Variants in CSPP1 observed in about 807,000 individuals in gnomAD.
CSPP1 encodes centrosome and spindle pole-associated protein 1.
In CSPP1, 126 loss-of-function variants were observed where a neutral mutation model predicts 164.4. The observed-to-expected ratio is 0.77, with a 90% confidence interval of 0.66 to 0.89. The LOEUF (loss-of-function observed/expected upper bound fraction) is 0.89. CSPP1 is among the 40% of genes least tolerant of loss of function. The probability of loss-of-function intolerance (pLI) is 0.00; values close to 1 mark genes in which losing one functional copy is unlikely to be tolerated. For synonymous variants in CSPP1, 472 were observed against 476.7 expected, an observed-to-expected ratio of 0.99 and a Z score of 0.13; for missense variants, 1,395 against 1,449.8, an observed-to-expected ratio of 0.96 and a Z score of 0.61.
chr8:67,106,123 A>G, intron 9 of CSPP1, 148 bp downstream of exon 9: 1 of 548,334 alleles, frequency 1.8e-6, no homozygotes, highest in Middle Eastern at 4.2e-4. Flanking sequence ...TACTATTCTA[A>G]TCATTTAACA....
chr8:67,104,432 T>G (rs1814911801), intron 8 of CSPP1, among the ~76,000 whole-genome samples: 1 of 151,858 alleles, frequency 6.6e-6, no homozygotes, highest in Non-Finnish European at 1.5e-5. Flanking sequence ...CCTGGCTAGT[T>G]TTTTAAAAAA....
At chr8:67,091,968 A>G in intron 5 of CSPP1, 85 bp downstream of exon 5, 1 of 356,972 alleles carries the variant, frequency 2.8e-6, no homozygotes, top group Non-Finnish European at 5.2e-6. Flanking sequence ...TTTAAATGCA[A>G]ATGGAAGATC....
At chr8:67,084,751 A>G (rs1810035427) in intron 3 of CSPP1, among the ~76,000 whole-genome samples, 1 of 151,972 alleles carries the variant, frequency 6.6e-6, no homozygotes, top group Admixed American at 6.6e-5. Flanking sequence ...GAGAGAGAAA[A>G]AAAAAAAAGC....
chr8:67,186,763 T>C (rs1834718640), intron 28 of CSPP1, among the ~76,000 whole-genome samples: 1 of 152,206 alleles, frequency 6.6e-6, no homozygotes, highest in African/African-American at 2.4e-5. Flanking sequence ...TGATTGTCTA[T>C]AGAAAATCTG....
chr8:67,148,809 T>C lies in CSPP1; in HGVS notation c.1976-974T>C, dbSNP rs568441482. On this transcript the variant is annotated intron_variant, in intron 17 of 30. Transcript: ENST00000678616. ...TTTATTAAAGCTTTAAGTTCTGTAATCATTCAGTTCTGTTTTTGAGATTGG... is the reference window on the plus strand; with the variant it reads ...TTTATTAAAGCTTTAAGTTCTGTAACCATTCAGTTCTGTTTTTGAGATTGG... Among the ~76,000 whole-genome samples the C allele has an allele frequency of 3.3e-5, 5 of 152,350 alleles. 1 individual carries two copies. The highest frequency in any genetic ancestry group is 4.1e-4 in the South Asian group (2 of 4,830).
At chr8:67,169,967 C>T (rs918554363) in intron 24 of CSPP1, among the ~76,000 whole-genome samples, 1 of 151,826 alleles carries the variant, frequency 6.6e-6, no homozygotes, top group Non-Finnish European at 1.5e-5. Context: ...AGGCTGGTCT[C>T]GAACTCCTGA....
intron 26 of CSPP1, 31 bp downstream of exon 26, chr8:67,175,467 T>C (rs555730971): frequency 1.9e-6 from 3 of 1,612,674 alleles, no homozygotes; most frequent in East Asian, 2.2e-5. Context: ...TGTCAAATAG[T>C]ATCAGCACGC....
At chr8:67,067,817 C>T (rs1165257167) in intron 1 of CSPP1, among the ~76,000 whole-genome samples, 1 of 151,526 alleles carries the variant, frequency 6.6e-6, no homozygotes, top group East Asian at 1.9e-4. Flanking sequence ...TGTAAAGATA[C>T]AACCATAAAC....
At position 67,149,874 on chromosome 8, in the gene CSPP1, A is replaced by G; in HGVS notation, c.2067A>G (p.Leu689=). Residue 689 remains leucine (L), a synonymous_variant, in exon 18 of 31, where the codon CTA becomes CTG. Transcript: ENST00000678616. ...TYEDKRAVVS[L]DPNLATSNAE... Reference sequence around the variant, plus strand: ...AAGATAAAAGGGCTGTTGTATCTCTAGACCCAAATTTAGCCACTTCAAATG... The same window carrying G: ...AAGATAAAAGGGCTGTTGTATCTCTGGACCCAAATTTAGCCACTTCAAATG... 1 of 1,607,552 alleles carries G rather than the reference A, an allele frequency of 6.2e-7. No individual in the cohort carries two copies.
chr8:67,126,271 C>T (rs747139726), intron 15 of CSPP1, among the ~76,000 whole-genome samples: 4 of 152,130 alleles, frequency 2.6e-5, no homozygotes, highest in South Asian at 4.1e-4. Context: ...GTATGTATGG[C>T]TTATAATTCT....
intron 24 of CSPP1, among the ~76,000 whole-genome samples, chr8:67,171,354 T>A (rs777265910): frequency 1.1e-4 from 16 of 150,686 alleles, no homozygotes; most frequent in Admixed American, 8.5e-4. Flanking sequence ...TGAGCTGAGA[T>A]CACGCCACTG....
chr8:67,125,670 C>T (rs965682265), intron 15 of CSPP1, among the ~76,000 whole-genome samples: 5 of 152,074 alleles, frequency 3.3e-5, no homozygotes, highest in Non-Finnish European at 5.9e-5. Flanking sequence ...CTCAATTGAC[C>T]TGTCTTCAAG....
intron 9 of CSPP1, among the ~76,000 whole-genome samples, chr8:67,109,789 G>T (rs1446384655): frequency 6.6e-6 from 1 of 152,006 alleles, no homozygotes; most frequent in Non-Finnish European, 1.5e-5. Flanking sequence ...ATAAGTGAAA[G>T]AAAAAAAGCT....
Position 67,103,118 on chromosome 8 carries a change from A to G in CSPP1, c.1005A>G (p.Ser335=). ...TAGAACAGTCAAACATAAGAATTTC[A>G]TCTGCTGAAAATAAAAGGTACAGTA... is the stretch of plus-strand genomic sequence containing the variant. The part of the protein sequence containing the change: ...DVIEQSNIRI[S]SAENKSAPDN... The change falls in exon 8 of 31, where the codon TCA becomes TCG. Residue 335 remains serine (S), a synonymous_variant. Transcript: ENST00000678616. 1.3e-6 allele frequency: 2 copies of G among 1,591,350 alleles called. No homozygotes were observed. Among genetic ancestry groups the G allele is most frequent in the Non-Finnish European group, 1.7e-6 (2 of 1,159,574 alleles).
At chr8:67,123,662 T>C (rs1819452935) in intron 15 of CSPP1, among the ~76,000 whole-genome samples, 1 of 151,098 alleles carries the variant, frequency 6.6e-6, no homozygotes, top group South Asian at 2.1e-4. Context: ...CAAGCTGGAG[T>C]GCAGTGGTGT....
chr8:67,159,898 T>TTC (rs1827602982), intron 21 of CSPP1, among the ~76,000 whole-genome samples: 1 of 69,424 alleles, frequency 1.4e-5, no homozygotes, highest in Non-Finnish European at 2.7e-5. Context: ...CTTTCTTTCT[T>TTC]TCTTTCTTTC....
At chr8:67,092,139 G>A (rs1350163558) in intron 5 of CSPP1, among the ~76,000 whole-genome samples, 1 of 152,032 alleles carries the variant, frequency 6.6e-6, no homozygotes, top group Non-Finnish European at 1.5e-5. Context: ...ATACTTAACT[G>A]AATATTCAGA....
chr8:67,118,440 C>G (rs188651223), intron 14 of CSPP1, 71 bp downstream of exon 14: 1 of 1,455,366 alleles, frequency 6.9e-7, no homozygotes, highest in Non-Finnish European at 9.6e-7. Context: ...TTTGTGTAAA[C>G]AAAAAATATC....
intron 3 of CSPP1, among the ~76,000 whole-genome samples, chr8:67,077,486 C>G (rs150588836): frequency 0.048 from 7,310 of 152,202 alleles, 265 homozygotes; most frequent in African/African-American, 0.096. Flanking sequence ...CAGGCGCATG[C>G]CACCACACTC....
Sources: allele counts gnomAD v4.1 joint callset (sites outside exome capture counted in the v4.1 genomes callset), GRCh38; gene constraint gnomAD v4.1.1; transcripts MANE v1.5; gene names NCBI Gene and HGNC (gene_info 2026-07-23, HGNC 2026-07-21).